LGSN: variants seen among roughly 807,000 people sequenced by gnomAD.
LGSN encodes lengsin, lens protein with glutamine synthetase domain.
In LGSN, 21 loss-of-function variants were observed where a neutral mutation model predicts 19.5. The ratio of observed to expected loss-of-function variants is 1.07; its 90% confidence interval spans 0.76 to 1.55. LGSN has a LOEUF of 1.55. Ranked by LOEUF, LGSN falls within the 40% of genes most tolerant of loss-of-function variation. The pLI, the probability that LGSN is intolerant of heterozygous loss-of-function variation, is 0.00. For missense variants in LGSN, 673 were observed against 608.5 expected (o/e 1.11, Z -1.12); for synonymous variants, 257 against 215.6 (o/e 1.19, Z -1.68).
At chr6:63,474,363 C>T in the LGSN span, among the ~76,000 whole-genome samples, 391 of 152,240 alleles carry the variant, frequency 2.6e-3, 3 homozygotes, top group African/African-American at 8.9e-3. Flanking sequence ...AATCCCAGCA[C>T]ATTGGGAGGC....
intron 2 of LGSN, among the ~76,000 whole-genome samples, chr6:63,289,079 T>C (rs1350717254): frequency 1.3e-5 from 2 of 152,220 alleles, no homozygotes; most frequent in African/African-American, 4.8e-5. Context: ...ATCAGCTCCT[T>C]GAGCGCCAAG....
chr6:63,380,325 A>T, the LGSN span, among the ~76,000 whole-genome samples: 3 of 152,210 alleles, frequency 2.0e-5, no homozygotes, highest in Non-Finnish European at 4.4e-5. Flanking sequence ...TACTTGGCAG[A>T]CATCTAAAAA....
chr6:63,463,482 A>G, the LGSN span, among the ~76,000 whole-genome samples: 1 of 152,182 alleles, frequency 6.6e-6, no homozygotes, highest in Non-Finnish European at 1.5e-5. Context: ...GCAAATTCCT[A>G]TAGATTGTTA....
At chr6:63,541,247 C>T in the LGSN span, among the ~76,000 whole-genome samples, 1 of 152,086 alleles carries the variant, frequency 6.6e-6, no homozygotes, top group Non-Finnish European at 1.5e-5. Context: ...CTCTTAGCCT[C>T]CCTCTTAGCC....
At chr6:63,345,890 C>G in the LGSN span, among the ~76,000 whole-genome samples, 14 of 152,150 alleles carry the variant, frequency 9.2e-5, no homozygotes, top group Non-Finnish European at 1.6e-4. Flanking sequence ...TACTGAAAGA[C>G]CATCCTTTTC....
At chr6:63,432,184 A>G in the LGSN span, among the ~76,000 whole-genome samples, 209 of 26,528 alleles carry the variant, frequency 7.9e-3, 7 homozygotes, top group African/African-American at 0.029. Context: ...GGAAAGAAAG[A>G]AAAGAAAAGA....
the LGSN span, among the ~76,000 whole-genome samples, chr6:63,457,308 C>A: frequency 6.6e-6 from 1 of 152,082 alleles, no homozygotes; most frequent in Admixed American, 6.6e-5. Flanking sequence ...AGTTCGAGAC[C>A]AGCCTGGCCA....
At chr6:63,288,592 G>A (rs760271525) in intron 2 of LGSN, among the ~76,000 whole-genome samples, 9 of 152,172 alleles carry the variant, frequency 5.9e-5, no homozygotes, top group Non-Finnish European at 1.0e-4. Context: ...AGTAGGGTAC[G>A]TGTATTAGTT....
the LGSN span, chr6:63,480,421 A>G: frequency 2.3e-4 from 45 of 194,816 alleles, no homozygotes; most frequent in African/African-American, 1.1e-3. Context: ...CAGATAGTGA[A>G]GATGACAATG....
the LGSN span, among the ~76,000 whole-genome samples, chr6:63,365,943 A>G: frequency 6.6e-6 from 1 of 152,230 alleles, no homozygotes; most frequent in Admixed American, 6.5e-5. Flanking sequence ...GTATCTCAAA[A>G]TAATAAGAGC....
chr6:63,360,344 G>T, the LGSN span, among the ~76,000 whole-genome samples: 19,853 of 152,148 alleles, frequency 0.13, 2,865 homozygotes, highest in African/African-American at 0.36. Flanking sequence ...ATATTTCTTG[G>T]AGGCTTTGTT....
chr6:63,434,215 G>A, the LGSN span, among the ~76,000 whole-genome samples: 1 of 151,746 alleles, frequency 6.6e-6, no homozygotes, highest in Non-Finnish European at 1.5e-5. Context: ...GATGTGGGCA[G>A]ATGACCTGAG....
At chr6:63,339,767 A>T in the LGSN span, among the ~76,000 whole-genome samples, 4 of 151,638 alleles carry the variant, frequency 2.6e-5, no homozygotes, top group East Asian at 7.8e-4. Context: ...TTCCTCTTTT[A>T]TTGTTTACTT....
At chr6:63,390,068 T>C in the LGSN span, among the ~76,000 whole-genome samples, 1 of 147,970 alleles carries the variant, frequency 6.8e-6, no homozygotes, top group Non-Finnish European at 1.5e-5. Context: ...AGAAACTGTA[T>C]AAAGAATAAT....
At chr6:63,365,885 A>G in the LGSN span, among the ~76,000 whole-genome samples, 51 of 152,370 alleles carry the variant, frequency 3.3e-4, no homozygotes, top group African/African-American at 1.2e-3. Context: ...ACAAAATTCA[A>G]CAGAGCTTCA....
chr6:63,540,707 T>C, the LGSN span, among the ~76,000 whole-genome samples: 2 of 151,938 alleles, frequency 1.3e-5, no homozygotes, highest in East Asian at 3.9e-4. Flanking sequence ...TAAGTTAAAA[T>C]GCATGCACAC....
chr6:63,390,616 G>A, the LGSN span, among the ~76,000 whole-genome samples: 7 of 151,666 alleles, frequency 4.6e-5, no homozygotes, highest in East Asian at 1.4e-3. Context: ...CAGCACTTTG[G>A]GAGGCCGAGG....
the LGSN span, among the ~76,000 whole-genome samples, chr6:63,543,908 C>T: frequency 6.6e-6 from 1 of 152,258 alleles, no homozygotes; most frequent in East Asian, 1.9e-4. Context: ...CATTGATAGT[C>T]CCTTGTTATT....
At chr6:63,298,300 AT>A (rs1768057517) in intron 1 of LGSN, among the ~76,000 whole-genome samples, 1 of 152,132 alleles carries the variant, frequency 6.6e-6, no homozygotes, top group African/African-American at 2.4e-5. Flanking sequence ...GACTATCTGA[AT>A]TTGTATGGGC....
Sources: allele counts gnomAD v4.1 joint callset (sites outside exome capture counted in the v4.1 genomes callset), GRCh38; gene constraint gnomAD v4.1.1; transcripts MANE v1.5; gene names NCBI Gene and HGNC (gene_info 2026-07-23, HGNC 2026-07-21).